DLG3: variants seen among roughly 807,000 people sequenced by gnomAD.
DLG3 encodes discs large MAGUK scaffold protein 3, also known as disks large homolog 3.
DLG3 carries 1 observed loss-of-function variant against 64.1 expected under a neutral mutation model. The observed-to-expected ratio is 0.02, with a 90% confidence interval of 0.01 to 0.07. The LOEUF is 0.07. Among genes scored for constraint, DLG3 ranks in the 10% least tolerant of loss-of-function variants. The probability of loss-of-function intolerance (pLI) is 1.00; values close to 1 mark genes in which losing one functional copy is unlikely to be tolerated. For synonymous variants in DLG3, 245 were observed against 259.8 expected (o/e 0.94, Z 0.55); for missense variants, 429 against 669.5 (o/e 0.64, Z 3.96).
chrX:70,451,142 G>T (rs971092121), intron 6 of DLG3: 2 of 223,821 alleles, frequency 8.9e-6, no homozygotes, highest in Non-Finnish European at 8.0e-6. Flanking sequence ...TTGCTCTGTC[G>T]CCAGGCTGGA....
chrX:70,479,300 G>A, intron 10 of DLG3, 36 bp downstream of exon 10: 1 of 1,037,572 alleles, frequency 9.6e-7, no homozygotes, highest in Non-Finnish European at 1.4e-6. Flanking sequence ...CCTTGTGCTG[G>A]ACGAGGAGAG....
chrX:70,452,427 C>A, intron 7 of DLG3: 1 of 950,667 alleles, frequency 1.1e-6, no homozygotes, highest in Non-Finnish European at 1.3e-6. Flanking sequence ...GGACTCTGAC[C>A]GGCCCGGTGG....
At chrX:70,486,176 C>G (rs2087250400) in intron 10 of DLG3, among the ~76,000 whole-genome samples, 1 of 111,371 alleles carries the variant, frequency 9.0e-6, no homozygotes, top group African/African-American at 3.3e-5. Context: ...CTTTCCCTTG[C>G]TCTTAAAGAA....
intron 5 of DLG3, 70 bp downstream of exon 5, chrX:70,450,375 G>A (rs191335233): frequency 1.1e-4 from 121 of 1,108,798 alleles, no homozygotes; most frequent in Admixed American, 2.4e-4. Context: ...CCCTTACTCC[G>A]CCTAAACCTC....
intron 12 of DLG3, 83 bp downstream of exon 12, chrX:70,492,679 T>C: frequency 1.1e-6 from 1 of 874,802 alleles, no homozygotes. Flanking sequence ...GTAGGAGAAC[T>C]GGGGAACACA....
chrX:70,475,073 G>A (rs1207505354), intron 9 of DLG3, among the ~76,000 whole-genome samples: 4 of 110,935 alleles, frequency 3.6e-5, no homozygotes, highest in Non-Finnish European at 7.5e-5. Context: ...GCTCATGCCT[G>A]TAATCCTAGC....
At position 70,453,570 on chromosome X, in the gene DLG3, G is replaced by A. The variant is rs889646462; in HGVS notation, c.1146-67G>A. 6 of 1,183,422 alleles carry A rather than the reference G, an allele frequency of 5.1e-6. No individual in the cohort carries two copies. In the Admixed American group the frequency reaches 1.4e-4, roughly 27 times the overall value. On this transcript the variant is annotated intron_variant, in intron 7 of 18. Coordinates refer to ENST00000374360, the MANE Select transcript of DLG3 (RefSeq NM_021120.4). The stretch of plus-strand genomic sequence containing the variant: ...TACAGCAAGTATGGACCTTGTTCCA[G>A]GCTGGCCCTCAAAGGACAACAGTCC...
intron 1 of DLG3, 163 bp from the exon 2 acceptor site, chrX:70,448,750 G>A (rs189712396): frequency 1.3e-5 from 12 of 955,095 alleles, no homozygotes; most frequent in African/African-American, 7.8e-5. Context: ...AGTGAGGAGC[G>A]GCCTCTTCCA....
At chrX:70,487,561 T>TAC (rs1412457701) in intron 10 of DLG3, among the ~76,000 whole-genome samples, 1 of 112,229 alleles carries the variant, frequency 8.9e-6, no homozygotes, top group Non-Finnish European at 1.9e-5. Context: ...CTTAGTATAC[T>TAC]ACACCCTCTG....
In DLG3 at chrX:70,498,616, G is replaced by A. The variant is rs150419860; in HGVS notation, c.1870+46G>A. 1.2e-3 allele frequency: 1,402 copies of A among 1,136,239 alleles called. 4 individuals carry two copies. The highest frequency in any genetic ancestry group is 1.0e-2 in the African/African-American group (559 of 55,946). 93.6% of individuals were successfully genotyped at this position (1,136,239 alleles called of 1,213,427 possible). A position where few individuals can be genotyped will look rare whatever the true frequency, so the allele number is the denominator to read the frequency against. ...TTGTCTTCGTGCTGGTCTCCTGGTCGTGGGGCTCAATACAGTGGGTGGCTG... is the reference window on the plus strand; with the variant it reads ...TTGTCTTCGTGCTGGTCTCCTGGTCATGGGGCTCAATACAGTGGGTGGCTG... On this transcript the variant is annotated intron_variant, in intron 14 of 18. Coordinates refer to ENST00000374360, the MANE Select transcript of DLG3 (RefSeq NM_021120.4).
chrX:70,500,444 G>A (rs910772678), intron 16 of DLG3, 27 bp from the exon 17 acceptor site: 2 of 1,113,355 alleles, frequency 1.8e-6, no homozygotes, highest in Non-Finnish European at 2.5e-6. Flanking sequence ...GGGAGTGGCT[G>A]GGCTGTTACA....
chrX:70,467,306 A>G (rs895947766), intron 9 of DLG3, among the ~76,000 whole-genome samples: 7 of 112,147 alleles, frequency 6.2e-5, no homozygotes, highest in Non-Finnish European at 1.1e-4. Context: ...ATGTTAATGA[A>G]TTACCTCAGT....
chrX:70,467,384 C>A (rs1302794100), intron 9 of DLG3, among the ~76,000 whole-genome samples: 1 of 112,003 alleles, frequency 8.9e-6, no homozygotes, highest in African/African-American at 3.2e-5. Flanking sequence ...AAATAAAATT[C>A]TTTTATACAC....
intron 9 of DLG3, among the ~76,000 whole-genome samples, chrX:70,462,267 T>TTTTA (rs2086818875): frequency 1.5e-5 from 1 of 67,149 alleles, no homozygotes; most frequent in African/African-American, 6.3e-5. Flanking sequence ...TTTTTTTTTT[T>TTTTA]GAGACAGAGC....
chrX:70,484,394 C>T (rs1602958262), intron 10 of DLG3, among the ~76,000 whole-genome samples: 1 of 111,994 alleles, frequency 8.9e-6, no homozygotes, highest in Non-Finnish European at 1.9e-5. Flanking sequence ...AACAAGCAGA[C>T]ATTAATTGTG....
intron 1 of DLG3, chrX:70,448,574 C>G (rs1340266530): frequency 4.3e-6 from 5 of 1,164,724 alleles, no homozygotes; most frequent in Non-Finnish European, 2.3e-6. Context: ...CTGCCATCCC[C>G]CTTAGGCCAG....
At chrX:70,495,889 A>T (rs898546732) in intron 13 of DLG3, among the ~76,000 whole-genome samples, 1 of 111,336 alleles carries the variant, frequency 9.0e-6, no homozygotes, top group Non-Finnish European at 1.9e-5. Context: ...AACTAGGGGC[A>T]AGGGTACTGT....
intron 10 of DLG3, among the ~76,000 whole-genome samples, chrX:70,488,309 C>T (rs2087294808): frequency 8.9e-6 from 1 of 111,746 alleles, no homozygotes; most frequent in Admixed American, 9.5e-5. Flanking sequence ...TGCACCCGGC[C>T]GATAATTAGC....
intron 15 of DLG3, 81 bp downstream of exon 15, chrX:70,499,358 G>C: frequency 1.3e-6 from 1 of 763,664 alleles, no homozygotes. Flanking sequence ...AAAAGGTCTG[G>C]GATCAGATTC....
Sources: allele counts gnomAD v4.1 joint callset (sites outside exome capture counted in the v4.1 genomes callset), GRCh38; gene constraint gnomAD v4.1.1; transcripts MANE v1.5; gene names NCBI Gene and HGNC (gene_info 2026-07-23, HGNC 2026-07-21).